Variants in UGP2 observed in about 807,000 individuals in gnomAD.
UGP2 encodes UDP-glucose pyrophosphorylase 2.
Under a neutral mutation model 49.0 loss-of-function variants are expected in UGP2, and 40 were observed. That is an observed-to-expected ratio of 0.82 (90% CI 0.63 to 1.06). UGP2 has a LOEUF of 1.06. Among genes scored for constraint, UGP2 ranks in the 50% least tolerant of loss-of-function variants. UGP2 has a pLI of 0.00. For missense variants in UGP2, 460 were observed against 603.5 expected (o/e 0.76, Z 2.49); for synonymous variants, 225 against 213.0 (o/e 1.06, Z -0.49).
chr2:63,891,267 T>C lies in UGP2; in HGVS notation c.*40T>C. On this transcript the variant is annotated 3_prime_UTR_variant, in exon 10 of 10. Coordinates refer to ENST00000337130, the MANE Select transcript of UGP2 (RefSeq NM_006759.4). ...TGGACACTTAAATAATGGGCTAGTT[T>C]CTTACAATGAAATGTTCTCTAGGAT... 6.5e-7 allele frequency: 1 copy of C among 1,527,260 alleles called. No individual in the cohort carries two copies. Among genetic ancestry groups the C allele is most frequent in the Non-Finnish European group, 9.1e-7 (1 of 1,103,558 alleles). 94.6% of individuals were successfully genotyped at this position (1,527,260 alleles called of 1,614,324 possible).
chr2:63,882,532 C>G lies in UGP2; in HGVS notation c.322C>G (p.Leu108Val). The stretch of plus-strand genomic sequence containing the variant: ...TAATATATCTTCCGTGTTGAACAAA[C>G]TAGTGGTGGTGAAACTCAATGGTGG... The part of the protein sequence containing the change: ...PDNISSVLNK[L>V]VVVKLNGGLG... Residue 108 changes from leucine (L) to valine (V), a missense_variant, in exon 4 of 10, where the codon CTA (leucine) becomes GTA (valine). Around this residue, in one of 2 missense-constraint regions of UGP2, gnomAD observed 143 missense variants for 130.4 expected, o/e 1.10. Transcript: ENST00000337130. 1.2e-6 allele frequency: 2 copies of G among 1,613,258 alleles called. No homozygotes were observed. Among genetic ancestry groups the G allele is most frequent in the Non-Finnish European group, 1.7e-6 (2 of 1,179,392 alleles).
chr2:63,843,017 C>G (rs1024001323), intron 1 of UGP2, among the ~76,000 whole-genome samples: 1 of 152,124 alleles, frequency 6.6e-6, no homozygotes, highest in Non-Finnish European at 1.5e-5. Context: ...CTTGTAGACT[C>G]CAGTGTGTGA....
At chr2:63,847,436 C>A (rs1672007656) in intron 1 of UGP2, among the ~76,000 whole-genome samples, 1 of 152,094 alleles carries the variant, frequency 6.6e-6, no homozygotes, top group Non-Finnish European at 1.5e-5. Context: ...TTTCCTAGTT[C>A]CCACCAAGCT....
At chr2:63,872,085 C>T (rs1267495659) in intron 3 of UGP2, among the ~76,000 whole-genome samples, 1 of 152,230 alleles carries the variant, frequency 6.6e-6, no homozygotes, top group Admixed American at 6.5e-5. Flanking sequence ...CAAGTGGCAG[C>T]TCTCACAGAC....
At chr2:63,882,249 G>A (rs946852547) in intron 3 of UGP2, among the ~76,000 whole-genome samples, 1 of 152,134 alleles carries the variant, frequency 6.6e-6, no homozygotes, top group African/African-American at 2.4e-5. Flanking sequence ...CCATTGTAAA[G>A]TAAATGAGCC....
rs1207557192 is a variant in UGP2 at position 63,885,580 on chromosome 2, T to C, written c.576-9T>C. Reference sequence around the variant, plus strand: ...TCAATATTGAAAAAGAACTTTTTTTTTTTTAAAGGTACCCGAGGATTAATA... The same window carrying C: ...TCAATATTGAAAAAGAACTTTTTTTCTTTTAAAGGTACCCGAGGATTAATA... On this transcript the variant is annotated splice_polypyrimidine_tract_variant and intron_variant, in intron 5 of 9. Transcript: ENST00000337130. The C allele has an allele frequency of 1.3e-6, 2 of 1,518,962 alleles. No individual in the cohort carries two copies. Among genetic ancestry groups the C allele is most frequent in the East Asian group, 4.7e-5 (2 of 42,852 alleles). The allele number at this position is 1,518,962 out of a possible 1,614,324, so 94.1% of individuals were successfully genotyped here.
At chr2:63,864,400 T>C (rs1201130457) in intron 3 of UGP2, among the ~76,000 whole-genome samples, 1 of 152,230 alleles carries the variant, frequency 6.6e-6, no homozygotes, top group African/African-American at 2.4e-5. Flanking sequence ...TGTGGCATAT[T>C]TTATGTGCTT....
chr2:63,869,238 G>C (rs942582480), intron 3 of UGP2, among the ~76,000 whole-genome samples: 1 of 152,206 alleles, frequency 6.6e-6, no homozygotes, highest in Non-Finnish European at 1.5e-5. Flanking sequence ...AGGCTGGGTA[G>C]AGAAGGCGTC....
chr2:63,859,547 A>C (rs190127783), intron 3 of UGP2, among the ~76,000 whole-genome samples: 1 of 152,176 alleles, frequency 6.6e-6, no homozygotes, highest in Non-Finnish European at 1.5e-5. Context: ...AAGAGGAATC[A>C]TGGGATTTTT....
chr2:63,859,722 C>T (rs542708894), intron 3 of UGP2, among the ~76,000 whole-genome samples: 11 of 152,206 alleles, frequency 7.2e-5, no homozygotes, highest in Admixed American at 3.3e-4. Flanking sequence ...GATTTTATGC[C>T]GTCTTTTTCT....
chr2:63,873,128 T>C (rs1481790983), intron 3 of UGP2, among the ~76,000 whole-genome samples: 1 of 152,232 alleles, frequency 6.6e-6, no homozygotes, highest in South Asian at 2.1e-4. Flanking sequence ...AATTCTGGTG[T>C]TTGTAGCACA....
At chr2:63,860,762 A>ATTTTTTT (rs556819048) in intron 3 of UGP2, among the ~76,000 whole-genome samples, 5 of 123,704 alleles carry the variant, frequency 4.0e-5, no homozygotes, top group South Asian at 2.8e-4. Context: ...GGCCCAGCTA[A>ATTTTTTT]TTTTTTTTTT....
chr2:63,867,536 A>G (rs1670263483), intron 3 of UGP2, among the ~76,000 whole-genome samples: 2 of 152,354 alleles, frequency 1.3e-5, no homozygotes, highest in Non-Finnish European at 2.9e-5. Context: ...TTCAACAAAT[A>G]TTTATGAAGT....
chr2:63,863,221 T>G (rs1340228658), intron 3 of UGP2, among the ~76,000 whole-genome samples: 1 of 152,240 alleles, frequency 6.6e-6, no homozygotes, highest in Non-Finnish European at 1.5e-5. Context: ...TTTGAACTTC[T>G]TAAAATTTCT....
intron 3 of UGP2, among the ~76,000 whole-genome samples, chr2:63,870,200 G>T (rs1349203260): frequency 1.3e-5 from 2 of 152,114 alleles, no homozygotes; most frequent in African/African-American, 4.8e-5. Flanking sequence ...GGGATTACCG[G>T]TGTGAGCCAC....
intron 3 of UGP2, among the ~76,000 whole-genome samples, chr2:63,869,543 C>T (rs1453850664): frequency 6.6e-6 from 1 of 152,278 alleles, no homozygotes; most frequent in South Asian, 2.1e-4. Context: ...AAAAGGCACA[C>T]TATTCAAGTT....
chr2:63,842,513 G>A (rs1263799738), intron 1 of UGP2: 1 of 1,535,122 alleles, frequency 6.5e-7, no homozygotes, highest in South Asian at 1.2e-5. Context: ...ATTAATCCTT[G>A]TTCTCTTTTC....
rs528909864 is a variant in UGP2 at position 63,847,066 on chromosome 2, G to A, written c.19+4862G>A. Among the ~76,000 whole-genome samples the A allele has an allele frequency of 1.4e-3, 217 of 152,200 alleles. 1 individual carries two copies. The highest frequency in any genetic ancestry group is 5.1e-3 in the African/African-American group (211 of 41,522). On this transcript the variant is annotated intron_variant, in intron 1 of 9. Transcript: ENST00000337130. ...AATTGTCCGTGTTCTTGCTAACTCA[G>A]CCTTTCTTCTAATAAGATGGATGAT... is the stretch of plus-strand genomic sequence containing the variant.
Position 63,870,039 on chromosome 2 carries a change from C to T in UGP2, c.255+12103C>T, listed in dbSNP as rs550036099. 7.2e-5 allele frequency among the ~76,000 whole-genome samples: 11 copies of T among 151,790 alleles called. No individual in the cohort carries two copies. The South Asian group carries it at 2.1e-3, about 29-fold the overall frequency. On this transcript the variant is annotated intron_variant, in intron 3 of 9. Coordinates refer to ENST00000337130, the MANE Select transcript of UGP2 (RefSeq NM_006759.4). ...CTAGGTTTACACCATTCTCCTGCCT[C>T]AGCCTCCTGAGTAGCTGGGACTGTA...
Sources: allele counts gnomAD v4.1 joint callset (sites outside exome capture counted in the v4.1 genomes callset), GRCh38; gene constraint gnomAD v4.1.1; regional missense constraint gnomAD v4.1.1; transcripts MANE v1.5; gene names NCBI Gene and HGNC (gene_info 2026-07-23, HGNC 2026-07-21).